MDGA2: variants seen among roughly 807,000 people sequenced by gnomAD.
MDGA2 encodes the protein MAM domain-containing glycosylphosphatidylinositol anchor protein 2.
Under a neutral mutation model 117.8 loss-of-function variants are expected in MDGA2, and 40 were observed. That is an observed-to-expected ratio of 0.34 (90% CI 0.26 to 0.44). The LOEUF (loss-of-function observed/expected upper bound fraction) is 0.44, where lower values mean the gene tolerates loss of function less well. Among genes scored for constraint, MDGA2 ranks in the 20% least tolerant of loss-of-function variants. The pLI, the probability that MDGA2 is intolerant of heterozygous loss-of-function variation, is 1.00. For synonymous variants in MDGA2, 452 were observed against 439.0 expected, an observed-to-expected ratio of 1.03 and a Z score of -0.37; for missense variants, 1,123 against 1,250.6, an observed-to-expected ratio of 0.90 and a Z score of 1.54.
chr14:47,131,582 G>A, intron 5 of MDGA2, 132 bp downstream of exon 5: 1 of 595,900 alleles, frequency 1.7e-6, no homozygotes, highest in Non-Finnish European at 2.7e-6. Flanking sequence ...GATATCCCAG[G>A]ATTTTCTGGG....
chr14:47,635,915 T>C (rs534649765), intron 1 of MDGA2, among the ~76,000 whole-genome samples: 1 of 152,210 alleles, frequency 6.6e-6, no homozygotes, highest in Non-Finnish European at 1.5e-5. Flanking sequence ...TAGACACATC[T>C]TATGTAAGAC....
At chr14:46,989,312 A>T (rs1175430698) in intron 8 of MDGA2, among the ~76,000 whole-genome samples, 1 of 147,338 alleles carries the variant, frequency 6.8e-6, no homozygotes, top group African/African-American at 2.5e-5. Flanking sequence ...AGAAAAGGAT[A>T]GCTGCACTGG....
intron 3 of MDGA2, among the ~76,000 whole-genome samples, chr14:47,177,608 CA>C (rs2139355540): frequency 6.6e-6 from 1 of 152,176 alleles, no homozygotes; most frequent in Non-Finnish European, 1.5e-5. Flanking sequence ...AATGAGAACA[CA>C]TGGACACAGG....
chr14:46,990,486 G>C (rs1436184095), intron 8 of MDGA2, among the ~76,000 whole-genome samples: 2 of 151,912 alleles, frequency 1.3e-5, no homozygotes, highest in Admixed American at 6.6e-5. Context: ...AAAATGTTCT[G>C]AGAAGTATTG....
At position 47,662,072 on chromosome 14, in the gene MDGA2, C is replaced by T. The variant is rs185875289; in HGVS notation, c.280+12445G>A. Among the ~76,000 whole-genome samples the T allele has an allele frequency of 1.9e-3, 288 of 152,148 alleles. 1 individual carries two copies. The highest frequency in any genetic ancestry group is 6.7e-3 in the African/African-American group (277 of 41,504). On this transcript the variant is annotated intron_variant, in intron 1 of 16. Coordinates refer to ENST00000399232, the MANE Select transcript of MDGA2 (RefSeq NM_001113498.3). ...GTTTCTAAAGGTAATTTTGTAAACC[C>T]ATGAACAATAGAAACATGAATGTAT...
intron 9 of MDGA2, among the ~76,000 whole-genome samples, chr14:46,953,495 C>T (rs923270904): frequency 2.6e-5 from 4 of 151,862 alleles, no homozygotes; most frequent in African/African-American, 4.8e-5. Flanking sequence ...ACATTGATTA[C>T]CATTTTATTT....
At chr14:46,944,429 T>A (rs555263643) in intron 9 of MDGA2, among the ~76,000 whole-genome samples, 1 of 151,940 alleles carries the variant, frequency 6.6e-6, no homozygotes, top group Non-Finnish European at 1.5e-5. Context: ...ACTATGGTAT[T>A]CTTACGTGTG....
chr14:47,190,357 G>T (rs1885063778), intron 3 of MDGA2, among the ~76,000 whole-genome samples: 1 of 152,144 alleles, frequency 6.6e-6, no homozygotes, highest in Non-Finnish European at 1.5e-5. Flanking sequence ...GGGCCTTTCT[G>T]TCCTTTGGGC....
chr14:47,545,036 G>T (rs952230316), intron 1 of MDGA2, among the ~76,000 whole-genome samples: 9 of 152,114 alleles, frequency 5.9e-5, no homozygotes, highest in African/African-American at 2.2e-4. Flanking sequence ...TAAGAAAGAA[G>T]AATCATTTTC....
At chr14:46,847,188 T>TG (rs944528570) in intron 15 of MDGA2, among the ~76,000 whole-genome samples, 1 of 152,068 alleles carries the variant, frequency 6.6e-6, no homozygotes, top group African/African-American at 2.4e-5. Flanking sequence ...ATTGAGACCC[T>TG]GTCCTTCACT....
At chr14:47,619,360 G>C (rs192584827) in intron 1 of MDGA2, among the ~76,000 whole-genome samples, 2 of 152,256 alleles carry the variant, frequency 1.3e-5, no homozygotes, top group East Asian at 1.9e-4. Flanking sequence ...AATGAGGTGG[G>C]CTGCTAACAA....
chr14:47,254,552 T>C (rs1594755461), intron 2 of MDGA2, among the ~76,000 whole-genome samples: 2 of 152,150 alleles, frequency 1.3e-5, no homozygotes, highest in Non-Finnish European at 2.9e-5. Context: ...AGCATTTTGG[T>C]CAAAGCCATT....
intron 1 of MDGA2, among the ~76,000 whole-genome samples, chr14:47,660,090 G>A (rs1004918249): frequency 6.6e-6 from 1 of 151,814 alleles, no homozygotes; most frequent in African/African-American, 2.4e-5. Flanking sequence ...AATAACAACA[G>A]TTATACTACA....
chr14:47,426,249 G>A (rs909758098), intron 1 of MDGA2, among the ~76,000 whole-genome samples: 1 of 152,030 alleles, frequency 6.6e-6, no homozygotes, highest in Non-Finnish European at 1.5e-5. Flanking sequence ...TCCCATCGGA[G>A]GATCTAGCCT....
At chr14:46,954,805 T>C (rs966384207) in intron 9 of MDGA2, among the ~76,000 whole-genome samples, 23 of 152,138 alleles carry the variant, frequency 1.5e-4, no homozygotes, top group African/African-American at 5.3e-4. Context: ...ACTAGCTAGC[T>C]TCCTAAAATA....
chr14:47,158,734 C>T (rs777416370), intron 3 of MDGA2, among the ~76,000 whole-genome samples: 23 of 152,116 alleles, frequency 1.5e-4, no homozygotes, highest in African/African-American at 5.1e-4. Context: ...GGATTACAGG[C>T]GTGAGCAACG....
intron 14 of MDGA2, among the ~76,000 whole-genome samples, chr14:46,858,448 G>C (rs1162563907): frequency 1.3e-4 from 14 of 111,984 alleles, no homozygotes; most frequent in African/African-American, 5.0e-4. Flanking sequence ...TTTTTTTTGA[G>C]ACGGAGTCTC....
intron 1 of MDGA2, among the ~76,000 whole-genome samples, chr14:47,541,652 G>A (rs1019710203): frequency 4.6e-5 from 7 of 152,150 alleles, no homozygotes; most frequent in African/African-American, 1.2e-4. Context: ...GAAAAAAAGT[G>A]GGGAGGGGAC....
intron 2 of MDGA2, among the ~76,000 whole-genome samples, chr14:47,251,782 T>C (rs2139643934): frequency 6.6e-6 from 1 of 152,306 alleles, no homozygotes; most frequent in African/African-American, 2.4e-5. Context: ...AATCTTCAGA[T>C]TAAAAAACAC....
Sources: allele counts gnomAD v4.1 joint callset (sites outside exome capture counted in the v4.1 genomes callset), GRCh38; gene constraint gnomAD v4.1.1; transcripts MANE v1.5; gene names NCBI Gene and HGNC (gene_info 2026-07-23, HGNC 2026-07-21).